Variants in FNBP4 observed in about 807,000 individuals in gnomAD.
FNBP4 encodes the protein formin binding protein 4, also known as formin-binding protein 4.
A neutral mutation model predicts 119.3 loss-of-function variants in FNBP4; 34 were observed. The observed-to-expected ratio is 0.28, with a 90% confidence interval of 0.22 to 0.38. The LOEUF is 0.38. Ranked by LOEUF, FNBP4 falls within the 10% of genes least tolerant of loss-of-function variation. The pLI is 1.00. For synonymous variants in FNBP4, 462 were observed against 430.6 expected (o/e 1.07, Z -0.90); for missense variants, 1,112 against 1,228.9 (o/e 0.90, Z 1.42).
At chr11:47,740,002 G>T (rs570028481) in intron 8 of FNBP4, among the ~76,000 whole-genome samples, 3 of 151,958 alleles carry the variant, frequency 2.0e-5, no homozygotes, top group African/African-American at 7.2e-5. Flanking sequence ...GTTTCTCCAC[G>T]TTGGTCAGGC....
intron 8 of FNBP4, among the ~76,000 whole-genome samples, chr11:47,738,513 C>T (rs2097577250): frequency 6.6e-6 from 1 of 151,858 alleles, no homozygotes; most frequent in African/African-American, 2.4e-5. Context: ...TGCAGTGAGC[C>T]GAGATTGCAC....
chr11:47,730,041 A>C, intron 12 of FNBP4: 1 of 985,458 alleles, frequency 1.0e-6, no homozygotes, highest in African/African-American at 1.7e-5. Context: ...GGGAGAAAAC[A>C]GCTTAATACT....
At chr11:47,737,001 C>G (rs543223826) in intron 8 of FNBP4, among the ~76,000 whole-genome samples, 1 of 152,118 alleles carries the variant, frequency 6.6e-6, no homozygotes, top group Non-Finnish European at 1.5e-5. Flanking sequence ...GTCAGGAGAT[C>G]GAGACCATCT....
At chr11:47,758,365 C>T (rs1258180757) in intron 2 of FNBP4, among the ~76,000 whole-genome samples, 1 of 152,184 alleles carries the variant, frequency 6.6e-6, no homozygotes, top group Admixed American at 6.5e-5. Flanking sequence ...CCTACGCCAC[C>T]ACACTTGGCA....
intron 14 of FNBP4, 61 bp from the exon 15 acceptor site, chr11:47,723,377 T>C: frequency 6.6e-7 from 1 of 1,525,174 alleles, no homozygotes; most frequent in Non-Finnish European, 8.8e-7. Context: ...ACAGATGCAA[T>C]GAAAAGAGAA....
intron 3 of FNBP4, among the ~76,000 whole-genome samples, 200 bp from the exon 4 acceptor site, chr11:47,753,302 T>C (rs4752866): frequency 1 from 151,502 of 152,254 alleles, 75,383 homozygotes; most frequent in Middle Eastern, 1. Flanking sequence ...TGGTGAAATC[T>C]CCCTCTACTA....
intron 8 of FNBP4, among the ~76,000 whole-genome samples, chr11:47,738,645 G>A (rs1472493884): frequency 6.6e-6 from 1 of 151,870 alleles, no homozygotes; most frequent in Non-Finnish European, 1.5e-5. Context: ...TTCATCTTCA[G>A]GATTAAAAGT....
rs2135075689 is a variant in FNBP4, at chr11:47,724,189, T to C, written c.2320-17A>G. The C allele has an allele frequency of 5.0e-6, 8 of 1,613,272 alleles. No homozygotes were observed. Among genetic ancestry groups the C allele is most frequent in the Non-Finnish European group, 6.8e-6 (8 of 1,179,554 alleles). ...AACTGAACTCTGAAACACAAACATT[T>C]GTTATCAGTGGCTGAAGGCCATGGT... On this transcript the variant is annotated splice_polypyrimidine_tract_variant and intron_variant, in intron 13 of 16. Coordinates refer to ENST00000263773, the MANE Select transcript of FNBP4 (RefSeq NM_015308.5).
intron 9 of FNBP4, among the ~76,000 whole-genome samples, chr11:47,736,410 G>C (rs975990736): frequency 6.6e-6 from 1 of 151,874 alleles, no homozygotes; most frequent in African/African-American, 2.4e-5. Flanking sequence ...ACAAAAATTA[G>C]CTGGGAGTTG....
intron 16 of FNBP4, among the ~76,000 whole-genome samples, chr11:47,718,579 CTTGCAA>C (rs2097552069): frequency 1.3e-5 from 2 of 152,088 alleles, no homozygotes; most frequent in Non-Finnish European, 2.9e-5. Flanking sequence ...CAAATTCTAT[CTTGCAA>C]TTAACAGAAT....
At chr11:47,743,397 T>G (rs1444948237) in intron 8 of FNBP4, among the ~76,000 whole-genome samples, 1 of 151,876 alleles carries the variant, frequency 6.6e-6, no homozygotes, top group East Asian at 1.9e-4. Flanking sequence ...GTAAGAGAAT[T>G]GCTTGAATCT....
chr11:47,733,988 AAC>A, intron 10 of FNBP4, 35 bp downstream of exon 10: 1 of 1,081,628 alleles, frequency 9.2e-7, no homozygotes, highest in Non-Finnish European at 1.3e-6. Flanking sequence ...TCAAACACTT[AAC>A]TGTTTATGCC....
intron 9 of FNBP4, among the ~76,000 whole-genome samples, chr11:47,735,041 T>G (rs2097572298): frequency 7.2e-6 from 1 of 138,836 alleles, no homozygotes; most frequent in African/African-American, 2.7e-5. Flanking sequence ...TAACAATACC[T>G]GAAATTTGTT....
intron 2 of FNBP4, among the ~76,000 whole-genome samples, chr11:47,759,574 G>A (rs754573310): frequency 3.3e-5 from 5 of 152,158 alleles, no homozygotes; most frequent in Non-Finnish European, 7.3e-5. Flanking sequence ...ACTACCAAAG[G>A]AGAAACTTCT....
intron 6 of FNBP4, among the ~76,000 whole-genome samples, chr11:47,749,642 C>T (rs1174591566): frequency 6.6e-6 from 1 of 152,034 alleles, no homozygotes; most frequent in Non-Finnish European, 1.5e-5. Context: ...TATACACTCC[C>T]TAAGGAATAC....
Position 47,724,618 on chromosome 11 carries a change from T to C in FNBP4, c.2169A>G (p.Pro723=). The change falls in exon 13 of 17, where the codon CCA becomes CCG. Residue 723 remains proline, a synonymous_variant. Coordinates refer to ENST00000263773, the MANE Select transcript of FNBP4 (RefSeq NM_015308.5). ...CAGGAGGAGGTGGTGGAGGAGGGGG[T>C]GGAGGTGATTCTGGAGGTGGAGGTG... ...PPPPPPPESP[P]PPPPPPPPAE... The C allele has an allele frequency of 1.2e-6, 2 of 1,612,536 alleles. No individual in the cohort carries two copies. The highest frequency in any genetic ancestry group is 1.7e-6 in the Non-Finnish European group (2 of 1,179,666).
chr11:47,737,076 G>A (rs2097575239), intron 8 of FNBP4, among the ~76,000 whole-genome samples: 2 of 152,174 alleles, frequency 1.3e-5, no homozygotes, highest in South Asian at 2.1e-4. Context: ...GGTGGCATGT[G>A]CCTGTAGTCC....
chr11:47,749,106 A>AACAC (rs2135215194), intron 6 of FNBP4, among the ~76,000 whole-genome samples: 1 of 151,794 alleles, frequency 6.6e-6, no homozygotes, highest in African/African-American at 2.4e-5. Flanking sequence ...AAAACAAACA[A>AACAC]ACAAACAAAC....
intron 8 of FNBP4, among the ~76,000 whole-genome samples, chr11:47,737,086 C>G (rs1035382995): frequency 3.3e-5 from 5 of 151,942 alleles, no homozygotes; most frequent in Non-Finnish European, 7.4e-5. Context: ...GCCTGTAGTC[C>G]CAACTGAGGC....
Sources: allele counts gnomAD v4.1 joint callset (sites outside exome capture counted in the v4.1 genomes callset), GRCh38; gene constraint gnomAD v4.1.1; transcripts MANE v1.5; gene names NCBI Gene and HGNC (gene_info 2026-07-23, HGNC 2026-07-21).